TNR: variants seen among roughly 807,000 people sequenced by gnomAD.
The protein encoded by TNR is tenascin R, also known as tenascin-R.
A neutral mutation model predicts 150.4 loss-of-function variants in TNR; 45 were observed. The ratio of observed to expected loss-of-function variants is 0.30; its 90% confidence interval spans 0.24 to 0.38. The LOEUF (loss-of-function observed/expected upper bound fraction) is 0.38. Ranked by LOEUF, TNR falls within the 10% of genes least tolerant of loss-of-function variation. The probability of loss-of-function intolerance (pLI) is 1.00; values close to 1 mark genes in which losing one functional copy is unlikely to be tolerated. For synonymous variants in TNR, 687 were observed against 678.4 expected (o/e 1.01, Z -0.20); for missense variants, 1,544 against 1,759.1 (o/e 0.88, Z 2.19).
At chr1:175,383,407 G>C (rs74126995) in intron 8 of TNR, among the ~76,000 whole-genome samples, 3,942 of 152,296 alleles carry the variant, frequency 0.026, 159 homozygotes, top group African/African-American at 0.089. Context: ...TGCTTAAAGA[G>C]AAGGCCTCCA....
intron 1 of TNR, among the ~76,000 whole-genome samples, chr1:175,705,340 T>C (rs7511892): frequency 0.08 from 12,216 of 152,190 alleles, 604 homozygotes; most frequent in East Asian, 0.17. Context: ...GTTTTTTTCT[T>C]TTGTCAAAAA....
intron 2 of TNR, among the ~76,000 whole-genome samples, chr1:175,465,867 C>T (rs1571479868): frequency 6.6e-6 from 1 of 152,202 alleles, no homozygotes; most frequent in Non-Finnish European, 1.5e-5. Context: ...GTTAATGTAA[C>T]TGCTGGTTGA....
intron 2 of TNR, among the ~76,000 whole-genome samples, chr1:175,454,898 C>T (rs1021808357): frequency 7.9e-5 from 12 of 152,206 alleles, no homozygotes; most frequent in African/African-American, 2.4e-4. Context: ...TTTTCTGCTC[C>T]TCCCATCATA....
chr1:175,315,671 T>A lies in TNR; in HGVS notation c.*7686A>T, dbSNP rs1648813806. The A allele has an allele frequency of 6.6e-6, 1 of 152,268 alleles. No individual in the cohort carries two copies. The highest frequency in any genetic ancestry group is 1.5e-5 in the Non-Finnish European group (1 of 68,074). 9.4% of individuals were successfully genotyped at this position (152,268 alleles called of 1,614,324 possible). A position where few individuals can be genotyped will look rare whatever the true frequency, so the allele number is the denominator to read the frequency against. ...TTCAGCTGCTCGGAGCCCCAGTTAA[T>A]GACCCCCTCAGTGTCACAGTGATTT... On this transcript the variant is annotated 3_prime_UTR_variant, in exon 23 of 23. Coordinates refer to ENST00000367674, the MANE Select transcript of TNR (RefSeq NM_003285.3).
intron 1 of TNR, among the ~76,000 whole-genome samples, chr1:175,594,766 G>C (rs1662940630): frequency 6.7e-6 from 1 of 149,242 alleles, no homozygotes; most frequent in South Asian, 2.1e-4. Flanking sequence ...GAGGTGGGAG[G>C]ATCACTTGAG....
At chr1:175,349,740 C>T (rs569672729) in intron 18 of TNR, among the ~76,000 whole-genome samples, 6 of 152,270 alleles carry the variant, frequency 3.9e-5, no homozygotes, top group African/African-American at 1.4e-4. Context: ...TTAATTGAAA[C>T]CTCTGATCTG....
intron 1 of TNR, among the ~76,000 whole-genome samples, chr1:175,590,398 T>A (rs1238400607): frequency 3.3e-5 from 5 of 152,248 alleles, no homozygotes; most frequent in African/African-American, 1.2e-4. Context: ...CTGAGTTTTG[T>A]TGGTGTCCCT....
At chr1:175,554,327 T>C (rs925153390) in intron 1 of TNR, among the ~76,000 whole-genome samples, 13 of 126,204 alleles carry the variant, frequency 1.0e-4, no homozygotes, top group African/African-American at 3.4e-4. Context: ...AACAAAAAGA[T>C]GTCCTACATG....
chr1:175,332,920 T>G (rs940672030), intron 20 of TNR, among the ~76,000 whole-genome samples: 13 of 152,206 alleles, frequency 8.5e-5, no homozygotes, highest in African/African-American at 3.1e-4. Context: ...TAACCTTGAA[T>G]AATAGGAAGA....
chr1:175,567,510 A>G (rs1483055583), intron 1 of TNR, among the ~76,000 whole-genome samples: 2 of 152,206 alleles, frequency 1.3e-5, no homozygotes, highest in African/African-American at 2.4e-5. Flanking sequence ...CCTCAGAGCC[A>G]GGGCAACGAG....
chr1:175,550,958 A>G (rs1364311186), intron 1 of TNR, among the ~76,000 whole-genome samples: 1 of 152,200 alleles, frequency 6.6e-6, no homozygotes, highest in African/African-American at 2.4e-5. Context: ...AATCTCCCAG[A>G]AAATAGCACA....
intron 1 of TNR, among the ~76,000 whole-genome samples, chr1:175,615,910 A>G (rs935093654): frequency 6.6e-6 from 1 of 152,260 alleles, no homozygotes; most frequent in African/African-American, 2.4e-5. Context: ...CTCAAAAGAT[A>G]TTTAATGACG....
intron 1 of TNR, among the ~76,000 whole-genome samples, chr1:175,537,321 A>G (rs1280949821): frequency 6.6e-6 from 1 of 152,242 alleles, no homozygotes; most frequent in Non-Finnish European, 1.5e-5. Context: ...TTCACCTGAT[A>G]TAAAGCCCTT....
At chr1:175,738,110 G>T (rs145731788) in intron 1 of TNR, among the ~76,000 whole-genome samples, 2 of 152,026 alleles carry the variant, frequency 1.3e-5, no homozygotes, top group Admixed American at 6.6e-5. Flanking sequence ...ATCCTCCTCC[G>T]TTTGCCTCCA....
chr1:175,356,676 A>C (rs543454085), intron 15 of TNR, among the ~76,000 whole-genome samples: 1 of 152,254 alleles, frequency 6.6e-6, no homozygotes. Context: ...GTGCAGGTCA[A>C]ATTGTCTTCT....
At chr1:175,494,445 T>A (rs960460454) in intron 2 of TNR, among the ~76,000 whole-genome samples, 1 of 152,128 alleles carries the variant, frequency 6.6e-6, no homozygotes, top group African/African-American at 2.4e-5. Context: ...AGCAAAAGCA[T>A]TGATTTTGCA....
chr1:175,504,814 T>G (rs1327805983), intron 2 of TNR, among the ~76,000 whole-genome samples: 1 of 152,166 alleles, frequency 6.6e-6, no homozygotes, highest in Non-Finnish European at 1.5e-5. Context: ...ACTAGGGCCT[T>G]TAAAGAGGTG....
At chr1:175,458,473 T>C (rs780933697) in intron 2 of TNR, among the ~76,000 whole-genome samples, 2 of 152,188 alleles carry the variant, frequency 1.3e-5, no homozygotes, top group Non-Finnish European at 2.9e-5. Flanking sequence ...ATTAACGCAA[T>C]ATATGAGCTA....
rs199938765 is a variant in TNR at position 175,330,042 on chromosome 1, G to C, written c.3793+32C>G. 143 of 1,515,634 alleles carry C rather than the reference G, an allele frequency of 9.4e-5. 1 individual carries two copies. In the East Asian group the frequency reaches 3.3e-3, roughly 35 times the overall value. The allele number at this position is 1,515,634 out of a possible 1,614,324, so 93.9% of individuals were successfully genotyped here. On this transcript the variant is annotated intron_variant, in intron 21 of 22. Coordinates refer to ENST00000367674, the MANE Select transcript of TNR (RefSeq NM_003285.3). Reference sequence around the variant, plus strand: ...TGGGGGCTCTTGTCCCATGCCCACTGTCCTTGGGGTCTGCTCAGGAGCCAT... The same window carrying C: ...TGGGGGCTCTTGTCCCATGCCCACTCTCCTTGGGGTCTGCTCAGGAGCCAT...
Sources: gnomAD v4.1 joint callset for allele counts (sites outside exome capture counted in the v4.1 genomes callset) on GRCh38, gnomAD v4.1.1 for gene constraint, MANE v1.5 for transcripts, NCBI Gene and HGNC (gene_info 2026-07-23, HGNC 2026-07-21) for gene names.